Variants in CLCA1 observed in about 807,000 individuals in gnomAD.
CLCA1 encodes calcium-activated chloride channel regulator 1.
A neutral mutation model predicts 85.6 loss-of-function variants in CLCA1; 59 were observed. That is an observed-to-expected ratio of 0.69 (90% CI 0.56 to 0.86). The LOEUF (loss-of-function observed/expected upper bound fraction) is 0.86, where lower values mean the gene tolerates loss of function less well. CLCA1 is among the 40% of genes least tolerant of loss of function. CLCA1 has a pLI of 0.00. For missense variants in CLCA1, 1,022 were observed against 1,101.4 expected, an observed-to-expected ratio of 0.93 and a Z score of 1.02; for synonymous variants, 396 against 398.3, an observed-to-expected ratio of 0.99 and a Z score of 0.07.
chr1:86,495,315 A>C (rs1385316436), intron 11 of CLCA1, among the ~76,000 whole-genome samples, 190 bp from the exon 12 acceptor site: 1 of 152,232 alleles, frequency 6.6e-6, no homozygotes, highest in Non-Finnish European at 1.5e-5. Context: ...AGAAGACAGA[A>C]TGTATACATA....
chr1:86,482,526 T>C, intron 5 of CLCA1, 144 bp downstream of exon 5: 1 of 766,412 alleles, frequency 1.3e-6, no homozygotes, highest in South Asian at 2.1e-5. Flanking sequence ...GGTGTGCAAG[T>C]CAAGGATAAA....
chr1:86,480,350 C>G (rs942015157), intron 4 of CLCA1, among the ~76,000 whole-genome samples: 7 of 151,934 alleles, frequency 4.6e-5, no homozygotes, highest in African/African-American at 1.7e-4. Context: ...CAGTAACATC[C>G]AAATAGAAAA....
At chr1:86,499,244 A>C (rs1648387472) in intron 13 of CLCA1, among the ~76,000 whole-genome samples, 2 of 152,216 alleles carry the variant, frequency 1.3e-5, no homozygotes, top group Admixed American at 1.3e-4. Context: ...CACTTGTTAG[A>C]AAGTGTTTTC....
At chr1:86,488,900 T>C (rs1455681405) in intron 7 of CLCA1, 96 bp from the exon 8 acceptor site, 18 of 1,047,852 alleles carry the variant, frequency 1.7e-5, no homozygotes, top group Non-Finnish European at 2.4e-5. Flanking sequence ...GGTTATTCCC[T>C]CTAGAATTTC....
chr1:86,473,951 C>G (rs1481955494), intron 3 of CLCA1, 75 bp downstream of exon 3: 1 of 1,104,336 alleles, frequency 9.1e-7, no homozygotes, highest in Admixed American at 2.5e-5. Context: ...CTAGCATTAT[C>G]TTTGTGAGTA....
chr1:86,469,204 C>T, intron 1 of CLCA1, 71 bp downstream of exon 1: 1 of 1,076,008 alleles, frequency 9.3e-7, no homozygotes, highest in Non-Finnish European at 1.3e-6. Context: ...ACATGAGTGC[C>T]CTATTCCAGC....
chr1:86,481,852 TC>T (rs1647831053), intron 4 of CLCA1, among the ~76,000 whole-genome samples: 3 of 152,090 alleles, frequency 2.0e-5, no homozygotes, highest in African/African-American at 7.2e-5. Flanking sequence ...TGTCAGCAAA[TC>T]TTTTGTGGGA....
Position 86,495,544 on chromosome 1 carries a change from A to T in CLCA1, c.1982A>T (p.Tyr661Phe). The T allele has an allele frequency of 2.5e-6, 4 of 1,614,016 alleles. No homozygotes were observed. Among genetic ancestry groups the T allele is most frequent in the Non-Finnish European group, 3.4e-6 (4 of 1,179,920 alleles). Reference protein sequence around the residue: ...ATKDDGVYSRYFTTYDTNGRY... With the variant: ...ATKDDGVYSRFFTTYDTNGRY... ...AAGGATGACGGTGTCTACTCAAGGT[A>T]TTTCACAACTTATGACACGAATGGT... The change falls in exon 12 of 14, where the codon TAT (tyrosine) becomes TTT (phenylalanine). Residue 661 changes from tyrosine to phenylalanine, a missense_variant. Coordinates refer to ENST00000394711, the MANE Select transcript of CLCA1 (RefSeq NM_001285.4).
Position 86,482,387 on chromosome 1 carries a change from G to A in CLCA1, c.735+5G>A. ...TTTGCACAACATGTTGATTCTGTAA[G>A]TACCTTGTTCTCACCCCCTCCCCCA... On this transcript the variant is annotated splice_donor_5th_base_variant and intron_variant, in intron 5 of 13. Transcript: ENST00000394711. 1.2e-6 allele frequency: 2 copies of A among 1,612,162 alleles called. No individual in the cohort carries two copies. Among genetic ancestry groups the A allele is most frequent in the Non-Finnish European group, 1.7e-6 (2 of 1,178,958 alleles).
intron 4 of CLCA1, among the ~76,000 whole-genome samples, chr1:86,481,220 T>C (rs964041529): frequency 2.6e-5 from 4 of 152,092 alleles, no homozygotes; most frequent in Non-Finnish European, 5.9e-5. Context: ...CACTGCAACC[T>C]CTGCCTCTCA....
chr1:86,494,332 T>A lies in CLCA1; in HGVS notation c.1826T>A (p.Val609Glu), dbSNP rs778897063. The change falls in exon 11 of 14, where the codon GTA becomes GAA. Residue 609 changes from valine (V) to glutamate (E), a missense_variant. Coordinates refer to ENST00000394711, the MANE Select transcript of CLCA1 (RefSeq NM_001285.4). ...ACCAGCAAATTCCCCAGCCCTCTGGTAGTTTATGCAAATATTCGCCAAGGA... is the reference window on the plus strand; with the variant it reads ...ACCAGCAAATTCCCCAGCCCTCTGGAAGTTTATGCAAATATTCGCCAAGGA... ...KDTSKFPSPL[V>E]VYANIRQGAS... 1.2e-6 allele frequency: 2 copies of A among 1,613,988 alleles called. No homozygotes were observed. The highest frequency in any genetic ancestry group is 2.7e-5 in the African/African-American group (2 of 74,914).
At chr1:86,498,988 A>G (rs1648380918) in intron 13 of CLCA1, among the ~76,000 whole-genome samples, 177 bp downstream of exon 13, 1 of 152,228 alleles carries the variant, frequency 6.6e-6, no homozygotes, top group Non-Finnish European at 1.5e-5. Flanking sequence ...TAAAACCTGA[A>G]AAACTGGTAA....
chr1:86,493,324 G>A (rs1648186594), intron 9 of CLCA1, 60 bp from the exon 10 acceptor site: 7 of 1,369,480 alleles, frequency 5.1e-6, no homozygotes, highest in Admixed American at 1.7e-5. Flanking sequence ...GGGCAGAAGG[G>A]AAAAGATCAT....
intron 8 of CLCA1, among the ~76,000 whole-genome samples, chr1:86,490,915 A>AAAAG (rs1648117261): frequency 6.8e-6 from 1 of 147,938 alleles, no homozygotes; most frequent in African/African-American, 2.5e-5. Context: ...AAAAAAAAAA[A>AAAAG]AAAAAAATAC....
intron 7 of CLCA1, among the ~76,000 whole-genome samples, chr1:86,486,959 C>A (rs1570285855): frequency 6.6e-6 from 1 of 152,244 alleles, no homozygotes; most frequent in East Asian, 1.9e-4. Context: ...GGTCTCAGAA[C>A]CTTGCAGTGT....
rs754488460 is a variant in CLCA1, at chr1:86,498,761, T to C, written c.2303T>C (p.Leu768Pro). The C allele has an allele frequency of 3.8e-5, 61 of 1,613,930 alleles. No homozygotes were observed. The highest frequency in any genetic ancestry group is 4.7e-5 in the Non-Finnish European group (55 of 1,180,026). The change falls in exon 13 of 14, where the codon CTC (leucine) becomes CCC (proline). Residue 768 changes from leucine (L) to proline (P), a missense_variant. Physicochemically the swap from Leu to Pro is moderately conservative, Grantham distance 98 (BLOSUM62 -3). Transcript: ENST00000394711. ...AAGGCGGAAATTCACGGGGGCAGTCTCATTAATCTGACTTGGACAGCTCCT... is the reference window on the plus strand; with the variant it reads ...AAGGCGGAAATTCACGGGGGCAGTCCCATTAATCTGACTTGGACAGCTCCT... ...DLKAEIHGGS[L>P]INLTWTAPGD...
chr1:86,494,529 G>A (rs1648225023), intron 11 of CLCA1, 81 bp downstream of exon 11: 3 of 1,497,434 alleles, frequency 2.0e-6, no homozygotes, highest in South Asian at 1.2e-5. Context: ...ATGGTCTGGT[G>A]AGGGCAGTTA....
intron 7 of CLCA1, among the ~76,000 whole-genome samples, chr1:86,488,242 TCCG>T (rs5744377): frequency 0.018 from 2,757 of 152,254 alleles, 86 homozygotes; most frequent in African/African-American, 0.064. Context: ...CTCCTTCCAC[TCCG>T]TTTAGGGGAA....
At position 86,486,640 on chromosome 1, in the gene CLCA1, A is replaced by C; in HGVS notation, c.1069A>C (p.Asn357His). Reference protein sequence around the residue: ...VTFDSAAHVQNELIQINSGSD... With the variant: ...VTFDSAAHVQHELIQINSGSD... ...ATTTGACAGTGCTGCCCATGTACAAAATGAACTCATACAGATAAACAGTGG... is the reference window on the plus strand; with the variant it reads ...ATTTGACAGTGCTGCCCATGTACAACATGAACTCATACAGATAAACAGTGG... The change falls in exon 7 of 14, where the codon AAT (asparagine) becomes CAT (histidine). Residue 357 changes from asparagine to histidine, a missense_variant. Asn to His is a moderately conservative substitution (Grantham distance 68, BLOSUM62 1). Coordinates refer to ENST00000394711, the MANE Select transcript of CLCA1 (RefSeq NM_001285.4). The C allele has an allele frequency of 6.2e-7, 1 of 1,614,208 alleles. No individual in the cohort carries two copies. The highest frequency in any genetic ancestry group is 1.1e-5 in the South Asian group (1 of 91,088).
Sources: allele counts gnomAD v4.1 joint callset (sites outside exome capture counted in the v4.1 genomes callset), GRCh38; gene constraint gnomAD v4.1.1; transcripts MANE v1.5; gene names NCBI Gene and HGNC (gene_info 2026-07-23, HGNC 2026-07-21).